Variants in ISX observed in about 807,000 individuals in gnomAD.
ISX encodes the protein intestine specific homeobox, also known as intestine-specific homeobox.
ISX carries 15 observed loss-of-function variants against 16.9 expected under a neutral mutation model. The ratio of observed to expected loss-of-function variants is 0.89; its 90% confidence interval spans 0.59 to 1.36. The LOEUF is 1.36. Ranked by LOEUF, ISX falls within the 40% of genes most tolerant of loss-of-function variation. The probability of loss-of-function intolerance (pLI) is 0.00; values close to 1 mark genes in which losing one functional copy is unlikely to be tolerated. For missense variants in ISX, 316 were observed against 306.1 expected (o/e 1.03, Z -0.24); for synonymous variants, 125 against 119.7 (o/e 1.04, Z -0.29).
chr22:35,084,724 T>C lies in ISX; in HGVS notation c.498+225T>C, dbSNP rs16995270. ...ATGTCTCCTCCCTTAGTGAACATCA[T>C]GGTGCCTGTCCTTCCTGTGCAAAAC... is the stretch of plus-strand genomic sequence containing the variant. On this transcript the variant is annotated intron_variant, in intron 4 of 4. Coordinates refer to ENST00000404699, the MANE Select transcript of ISX (RefSeq NM_001303508.2). Among the ~76,000 whole-genome samples the C allele has an allele frequency of 1.8e-3, 276 of 152,308 alleles. 5 individuals carry two copies. The East Asian group carries it at 0.049, about 27-fold the overall frequency.
Position 35,086,908 on chromosome 22 carries a change from C to G in ISX, c.*1215C>G, listed in dbSNP as rs1929269421. The G allele has an allele frequency of 6.6e-6, 1 of 152,232 alleles. No homozygotes were observed. Among genetic ancestry groups the G allele is most frequent in the Admixed American group, 6.5e-5 (1 of 15,290 alleles). 9.4% of individuals were successfully genotyped at this position (152,232 alleles called of 1,614,324 possible). On this transcript the variant is annotated 3_prime_UTR_variant, in exon 5 of 5. Coordinates refer to ENST00000404699, the MANE Select transcript of ISX (RefSeq NM_001303508.2). The stretch of plus-strand genomic sequence containing the variant: ...CTGGGAAGCCTGGAATGACCTCTTG[C>G]ACAAGCCTAAATTCCAGGAATCTTC...
chr22:35,069,263 G>T (rs1182031625), intron 2 of ISX, among the ~76,000 whole-genome samples: 1 of 152,122 alleles, frequency 6.6e-6, no homozygotes, highest in Non-Finnish European at 1.5e-5. Flanking sequence ...AATACAGATG[G>T]GATATGAACT....
chr22:35,072,886 C>T (rs6518932), intron 2 of ISX, among the ~76,000 whole-genome samples: 33,272 of 152,004 alleles, frequency 0.22, 4,506 homozygotes, highest in African/African-American at 0.38. Flanking sequence ...CATAAGATTG[C>T]AGTAATGATG....
At chr22:35,084,724 TG>T (rs1176290181) in intron 4 of ISX, among the ~76,000 whole-genome samples, 1 of 152,190 alleles carries the variant, frequency 6.6e-6, no homozygotes, top group Non-Finnish European at 1.5e-5. Context: ...GTGAACATCA[TG>T]GTGCCTGTCC....
intron 2 of ISX, among the ~76,000 whole-genome samples, chr22:35,078,271 C>T (rs1929035864): frequency 6.6e-6 from 1 of 151,560 alleles, no homozygotes; most frequent in African/African-American, 2.4e-5. Context: ...CCAATACTAT[C>T]AAGCATGGCT....
At chr22:35,081,105 C>A (rs780087899) in intron 2 of ISX, among the ~76,000 whole-genome samples, 12 of 152,196 alleles carry the variant, frequency 7.9e-5, no homozygotes, top group Non-Finnish European at 1.3e-4. Context: ...GAAAGATTAC[C>A]CAGGGCTAGA....
At chr22:35,071,393 T>C (rs1928850143) in intron 2 of ISX, among the ~76,000 whole-genome samples, 1 of 152,228 alleles carries the variant, frequency 6.6e-6, no homozygotes, top group African/African-American at 2.4e-5. Flanking sequence ...TTGGCAGAGA[T>C]AGCTCCTTCT....
At position 35,074,570 on chromosome 22, in the gene ISX, T is replaced by G. The variant is rs141421009; in HGVS notation, c.229+7254T>G. Among the ~76,000 whole-genome samples the G allele has an allele frequency of 4.6e-5, 7 of 152,366 alleles. No individual in the cohort carries two copies. In the East Asian group the frequency reaches 1.3e-3, roughly 29 times the overall value. On this transcript the variant is annotated intron_variant, in intron 2 of 4. Coordinates refer to ENST00000404699, the MANE Select transcript of ISX (RefSeq NM_001303508.2). ...GCCAGAAATGTCTATTCCTCCTGTT[T>G]GCAAAGCCCTGTGGCTTTGTAGATC...
chr22:35,078,790 T>C (rs1929054533), intron 2 of ISX, among the ~76,000 whole-genome samples: 1 of 152,242 alleles, frequency 6.6e-6, no homozygotes, highest in South Asian at 2.1e-4. Context: ...CAGAGAGAAA[T>C]CTCACTAGCC....
At chr22:35,076,646 G>A (rs1038957370) in intron 2 of ISX, among the ~76,000 whole-genome samples, 60 of 152,248 alleles carry the variant, frequency 3.9e-4, no homozygotes, top group Admixed American at 3.2e-3. Flanking sequence ...AAAGTCCCCC[G>A]GGCCTTTAGC....
rs775374435 is a variant in ISX, at chr22:35,082,638, C to A, written c.350C>A (p.Ala117Asp). The A allele has an allele frequency of 1.9e-5, 30 of 1,614,052 alleles. No individual in the cohort carries two copies. Among genetic ancestry groups the A allele is most frequent in the Admixed American group, 1.8e-4 (11 of 60,012 alleles). Residue 117 changes from alanine to aspartate, a missense_variant, in exon 3 of 5, where the codon GCC becomes GAC. Physicochemically the swap from Ala to Asp is moderately radical, Grantham distance 126. Transcript: ENST00000404699. ...GTTCACATCCGCAGCCAGCTGGCAG[C>A]CAGGATCAACCTCCCAGAAGCTCGG... Reference protein sequence around the residue: ...PDVHIRSQLAARINLPEARVQ... With the variant: ...PDVHIRSQLADRINLPEARVQ...
chr22:35,085,789 ATCC>A lies in ISX; in HGVS notation c.*97_*99del. 2 of 1,521,104 alleles carry A rather than the reference ATCC, an allele frequency of 1.3e-6. No homozygotes were observed. The highest frequency in any genetic ancestry group is 1.7e-5 in the Admixed American group (1 of 58,276). 94.2% of individuals were successfully genotyped at this position (1,521,104 alleles called of 1,614,324 possible). On this transcript the variant is annotated 3_prime_UTR_variant, in exon 5 of 5. Transcript: ENST00000404699. ...GGCCTCTGGGGAAATCGATTTCACAATCCAAAAATGGCCCACAGCCCAGGAAGC... is the reference window on the plus strand; with the variant it reads ...GGCCTCTGGGGAAATCGATTTCACAAAAAAATGGCCCACAGCCCAGGAAGC...
intron 3 of ISX, among the ~76,000 whole-genome samples, chr22:35,083,083 T>C (rs972318900): frequency 6.6e-6 from 1 of 152,232 alleles, no homozygotes; most frequent in African/African-American, 2.4e-5. Context: ...AGAGCAACTG[T>C]TCAACCAGGC....
intron 4 of ISX, among the ~76,000 whole-genome samples, 181 bp downstream of exon 4, chr22:35,084,680 T>A (rs1434873265): frequency 6.6e-6 from 1 of 152,228 alleles, no homozygotes; most frequent in African/African-American, 2.4e-5. Context: ...CTGGGACAAG[T>A]GGCTGCCTGT....
rs552835175 is a variant in ISX, at chr22:35,073,354, G to A, written c.229+6038G>A. On this transcript the variant is annotated intron_variant, in intron 2 of 4. Transcript: ENST00000404699. ...TATGGAAGATGATTTTTCCATGGACGGTGGGTGGGGAAATGGTTTCAGGAT... is the reference window on the plus strand; with the variant it reads ...TATGGAAGATGATTTTTCCATGGACAGTGGGTGGGGAAATGGTTTCAGGAT... Among the ~76,000 whole-genome samples the A allele has an allele frequency of 3.9e-5, 6 of 152,248 alleles. No homozygotes were observed. The East Asian group carries it at 5.8e-4, about 15-fold the overall frequency.
intron 2 of ISX, among the ~76,000 whole-genome samples, chr22:35,080,694 A>T (rs989314731): frequency 1.3e-5 from 2 of 151,260 alleles, no homozygotes; most frequent in Non-Finnish European, 2.9e-5. Flanking sequence ...CTAGTTGTAT[A>T]AAGAAAAATG....
At chr22:35,070,481 T>C (rs1048357001) in intron 2 of ISX, among the ~76,000 whole-genome samples, 7 of 152,316 alleles carry the variant, frequency 4.6e-5, no homozygotes, top group South Asian at 2.1e-4. Flanking sequence ...GGGGAAATCA[T>C]AGGCCCCAGG....
intron 1 of ISX, 21 bp from the exon 2 acceptor site, chr22:35,066,731 G>A (rs893613025): frequency 2.8e-5 from 6 of 213,894 alleles, no homozygotes; most frequent in South Asian, 1.1e-4. Flanking sequence ...CTCTTTGTTC[G>A]CCACTGGGCG....
intron 2 of ISX, among the ~76,000 whole-genome samples, chr22:35,076,252 A>G (rs2146291148): frequency 6.6e-6 from 1 of 152,340 alleles, no homozygotes; most frequent in East Asian, 1.9e-4. Flanking sequence ...AGCGCAGAAC[A>G]AGGACCTGGA....
Sources: allele counts gnomAD v4.1 joint callset (sites outside exome capture counted in the v4.1 genomes callset), GRCh38; gene constraint gnomAD v4.1.1; transcripts MANE v1.5; gene names NCBI Gene and HGNC (gene_info 2026-07-23, HGNC 2026-07-21).